GPR161: variants seen among roughly 807,000 people sequenced by gnomAD.
GPR161 encodes G protein-coupled receptor 161.
In GPR161, 25 loss-of-function variants were observed where a neutral mutation model predicts 39.2. The ratio of observed to expected loss-of-function variants is 0.64; its 90% CI spans 0.47 to 0.89. The LOEUF (loss-of-function observed/expected upper bound fraction) is 0.89, where lower values mean the gene tolerates loss of function less well. GPR161 is among the 40% of genes least tolerant of loss of function. GPR161 has a pLI of 0.00. For missense variants in GPR161, 547 were observed against 677.8 expected (o/e 0.81, Z 2.14); for synonymous variants, 286 against 276.6 (o/e 1.03, Z -0.34).
intron 1 of GPR161, among the ~76,000 whole-genome samples, chr1:168,108,106 C>G (rs543246731): frequency 4.6e-4 from 70 of 152,260 alleles, no homozygotes; most frequent in African/African-American, 1.6e-3. Context: ...CCACTCATGG[C>G]TGAAAACAAA....
intron 1 of GPR161, among the ~76,000 whole-genome samples, chr1:168,127,520 T>A (rs1698680533): frequency 6.7e-6 from 1 of 149,580 alleles, no homozygotes; most frequent in South Asian, 2.1e-4. Flanking sequence ...GACAGAGAGG[T>A]TTCATTCAAC....
At chr1:168,111,538 GGCAGTC>G (rs1345820922) in intron 1 of GPR161, among the ~76,000 whole-genome samples, 1 of 152,178 alleles carries the variant, frequency 6.6e-6, no homozygotes, top group Non-Finnish European at 1.5e-5. Flanking sequence ...CTGGAGCTGT[GGCAGTC>G]GTCTTGAGAC....
At chr1:168,100,423 T>C (rs970430476) in intron 2 of GPR161, among the ~76,000 whole-genome samples, 8 of 152,120 alleles carry the variant, frequency 5.3e-5, no homozygotes, top group Admixed American at 1.3e-4. Flanking sequence ...GGGGTTTTCC[T>C]TTGCTCTCTA....
intron 2 of GPR161, among the ~76,000 whole-genome samples, chr1:168,100,940 T>C (rs949963713): frequency 1.3e-5 from 2 of 152,200 alleles, no homozygotes; most frequent in Admixed American, 1.3e-4. Flanking sequence ...GTGGAACCGC[T>C]GGCAGGTCAA....
rs1200179094 is a variant in GPR161, at chr1:168,122,761, C to A, written c.-45+13978G>T. On this transcript the variant is annotated intron_variant, in intron 1 of 5. Transcript: ENST00000682931. ...ACCTTTTCAGCAGAGCCTTCCCCAG[C>A]CATACTATGTAACACTTCATACCCC... 6.6e-5 allele frequency among the ~76,000 whole-genome samples: 10 copies of A among 152,290 alleles called. No homozygotes were observed. In the Middle Eastern group the frequency reaches 0.01, roughly 155 times the overall value.
In GPR161 at chr1:168,117,545, G is replaced by C. The variant is rs138200368; in HGVS notation, c.-44-12651C>G. 5.3e-5 allele frequency among the ~76,000 whole-genome samples: 8 copies of C among 152,238 alleles called. No individual in the cohort carries two copies. In the East Asian group the frequency reaches 1.5e-3, roughly 29 times the overall value. ...CCCCATCTGTAAAACAGGGATAATA[G>C]GAGTATCTACCTCATAGGGTTGGTG... is the stretch of plus-strand genomic sequence containing the variant. On this transcript the variant is annotated intron_variant, in intron 1 of 5. Coordinates refer to ENST00000682931, the MANE Select transcript of GPR161 (RefSeq NM_001375883.1).
intron 1 of GPR161, among the ~76,000 whole-genome samples, chr1:168,108,385 G>A (rs929671321): frequency 6.8e-6 from 1 of 147,932 alleles, no homozygotes; most frequent in Middle Eastern, 3.5e-3. Context: ...GCACACCCTT[G>A]GCCCAGCAAC....
At chr1:168,116,612 T>G (rs1005257020) in intron 1 of GPR161, among the ~76,000 whole-genome samples, 3 of 152,214 alleles carry the variant, frequency 2.0e-5, no homozygotes, top group African/African-American at 7.2e-5. Flanking sequence ...ACGGGCTCCC[T>G]GGGTGTCCAC....
At chr1:168,127,227 G>A (rs572181310) in intron 1 of GPR161, among the ~76,000 whole-genome samples, 2 of 152,296 alleles carry the variant, frequency 1.3e-5, no homozygotes, top group East Asian at 1.9e-4. Flanking sequence ...GCTCACACCT[G>A]TAATCCCAGC....
intron 1 of GPR161, among the ~76,000 whole-genome samples, chr1:168,110,760 C>T (rs1380101168): frequency 6.6e-6 from 1 of 151,866 alleles, no homozygotes; most frequent in African/African-American, 2.4e-5. Context: ...CCCGTCTCTA[C>T]TAAACATACA....
chr1:168,131,301 C>T (rs1368809855), intron 1 of GPR161, among the ~76,000 whole-genome samples: 1 of 151,940 alleles, frequency 6.6e-6, no homozygotes, highest in Admixed American at 6.6e-5. Flanking sequence ...TCATGCTATT[C>T]CCTGCCACCT....
At chr1:168,134,831 T>C in intron 1 of GPR161, 2 of 1,360,940 alleles carry the variant, frequency 1.5e-6, no homozygotes, top group Non-Finnish European at 2.0e-6. Context: ...CCAGCCCTCC[T>C]GTCCACCCGC....
intron 1 of GPR161, among the ~76,000 whole-genome samples, chr1:168,126,260 G>A (rs1324472296): frequency 6.6e-6 from 1 of 152,036 alleles, no homozygotes. Flanking sequence ...CATTCCCTAC[G>A]CTGGCCACTC....
chr1:168,088,044 G>A lies in GPR161; in HGVS notation c.1205-340C>T, dbSNP rs560558408. ...GGGAGAAGGGCCGAGTAGAGGAGAG[G>A]GTCCTACTAAAAGGAACTTTATATT... On this transcript the variant is annotated intron_variant, in intron 4 of 5. Transcript: ENST00000682931. The A allele has an allele frequency of 1.3e-4, 27 of 212,428 alleles. No individual in the cohort carries two copies. In the South Asian group the frequency reaches 3.1e-3, roughly 24 times the overall value. The allele number at this position is 212,428 out of a possible 1,614,324, so 13.2% of individuals were successfully genotyped here.
rs1241398562 is a variant in GPR161 at position 168,136,839 on chromosome 1, T to C, written c.-145A>G. ...CTTCCTCCCCGCCGCGCTCCGGGAC[T>C]GGAGGTTTCGGGTTTCAGCCCACCG... On this transcript the variant is annotated 5_prime_UTR_variant, in exon 1 of 6. Coordinates refer to ENST00000682931, the MANE Select transcript of GPR161 (RefSeq NM_001375883.1). 2.0e-6 allele frequency: 2 copies of C among 982,780 alleles called. No individual in the cohort carries two copies. The highest frequency in any genetic ancestry group is 9.1e-5 in the South Asian group (2 of 22,082). 60.9% of individuals were successfully genotyped at this position (982,780 alleles called of 1,614,324 possible).
intron 1 of GPR161, among the ~76,000 whole-genome samples, chr1:168,112,812 G>A (rs531625682): frequency 1.3e-5 from 2 of 152,098 alleles, no homozygotes; most frequent in Non-Finnish European, 2.9e-5. Context: ...AGCTGAGATC[G>A]CACCACTGCA....
rs1698011274 is a variant in GPR161 at position 168,119,815 on chromosome 1, CCA to C, written c.-44-14923_-44-14922del. The stretch of plus-strand genomic sequence containing the variant: ...CACATTGTTTCAGTGGGTGCAAGCC[CCA>C]AGCCGTGGCAGCTTCCACGTAGTGT... On this transcript the variant is annotated intron_variant, in intron 1 of 5. Transcript: ENST00000682931. 2.6e-5 allele frequency among the ~76,000 whole-genome samples: 4 copies of C among 152,118 alleles called. No homozygotes were observed. In the East Asian group the frequency reaches 5.8e-4, roughly 22 times the overall value.
intron 1 of GPR161, chr1:168,118,461 A>G (rs931415290): frequency 2.6e-5 from 4 of 152,208 alleles, no homozygotes; most frequent in Admixed American, 2.0e-4. Flanking sequence ...CACGAGGGTG[A>G]GGGTTAGGAA....
chr1:168,127,776 C>T (rs2102252849), intron 1 of GPR161, among the ~76,000 whole-genome samples: 1 of 152,332 alleles, frequency 6.6e-6, no homozygotes, highest in African/African-American at 2.4e-5. Context: ...CACTGGGTTC[C>T]TCCCATGACA....
Sources: gnomAD v4.1 joint callset for allele counts (sites outside exome capture counted in the v4.1 genomes callset) on GRCh38, gnomAD v4.1.1 for gene constraint, MANE v1.5 for transcripts, NCBI Gene and HGNC (gene_info 2026-07-23, HGNC 2026-07-21) for gene names.